LHFPL3: variants seen among roughly 807,000 people sequenced by gnomAD.
LHFPL3 encodes the protein LHFPL tetraspan subfamily member 3, also known as LHFPL tetraspan subfamily member 3 protein.
LHFPL3 carries 5 observed loss-of-function variants against 19.3 expected under a neutral mutation model. That is an observed-to-expected ratio of 0.26 (90% CI 0.14 to 0.54). LHFPL3 has a LOEUF of 0.54. LHFPL3 is among the 20% of genes least tolerant of loss of function. The probability of loss-of-function intolerance (pLI) is 0.94; values close to 1 mark genes in which losing one functional copy is unlikely to be tolerated. For synonymous variants in LHFPL3, 133 were observed against 126.2 expected (o/e 1.05, Z -0.36); for missense variants, 249 against 307.4 (o/e 0.81, Z 1.42).
At chr7:104,766,867 T>C (rs748007896) in intron 2 of LHFPL3, among the ~76,000 whole-genome samples, 1 of 152,204 alleles carries the variant, frequency 6.6e-6, no homozygotes, top group Non-Finnish European at 1.5e-5. Context: ...AAAGTTCAAA[T>C]TTGATGGACA....
chr7:104,654,440 T>C (rs906775527), intron 1 of LHFPL3, among the ~76,000 whole-genome samples: 8 of 152,304 alleles, frequency 5.3e-5, no homozygotes, highest in African/African-American at 1.9e-4. Flanking sequence ...CAGCATGTTA[T>C]AGTGGGGAAG....
intron 1 of LHFPL3, among the ~76,000 whole-genome samples, chr7:104,344,823 T>C (rs1790033217): frequency 6.6e-6 from 1 of 152,186 alleles, no homozygotes; most frequent in Non-Finnish European, 1.5e-5. Flanking sequence ...ATCTACTTTA[T>C]GATTTTTTGA....
At chr7:104,630,453 A>G (rs1349369597) in intron 1 of LHFPL3, among the ~76,000 whole-genome samples, 4 of 152,158 alleles carry the variant, frequency 2.6e-5, no homozygotes, top group African/African-American at 7.2e-5. Context: ...GCTGGAATAA[A>G]AAGTACTGAC....
chr7:104,595,738 C>A (rs143821929), intron 1 of LHFPL3, among the ~76,000 whole-genome samples: 1 of 152,254 alleles, frequency 6.6e-6, no homozygotes, highest in Non-Finnish European at 1.5e-5. Context: ...TTCTTGGCCG[C>A]TTTGTTTACC....
chr7:104,672,230 A>G (rs1792499050), intron 1 of LHFPL3, among the ~76,000 whole-genome samples: 1 of 152,190 alleles, frequency 6.6e-6, no homozygotes, highest in Non-Finnish European at 1.5e-5. Context: ...TTGACTCATC[A>G]GTACCGTGCT....
chr7:104,848,306 A>G (rs1027438060), intron 2 of LHFPL3, among the ~76,000 whole-genome samples: 7 of 152,310 alleles, frequency 4.6e-5, no homozygotes, highest in Non-Finnish European at 7.4e-5. Flanking sequence ...CCTTCTTGGC[A>G]ACTATCACTG....
intron 1 of LHFPL3, among the ~76,000 whole-genome samples, chr7:104,484,742 G>A (rs2115670419): frequency 6.6e-6 from 1 of 152,284 alleles, no homozygotes. Flanking sequence ...TTCATGCTGT[G>A]TCATCCCATG....
At chr7:104,398,561 T>C (rs1339656650) in intron 1 of LHFPL3, among the ~76,000 whole-genome samples, 1 of 152,160 alleles carries the variant, frequency 6.6e-6, no homozygotes, top group African/African-American at 2.4e-5. Flanking sequence ...TATAAAGCAT[T>C]TCCACATGTA....
intron 1 of LHFPL3, among the ~76,000 whole-genome samples, chr7:104,724,515 T>G (rs969360561): frequency 6.6e-6 from 1 of 152,130 alleles, no homozygotes; most frequent in African/African-American, 2.4e-5. Context: ...ACAGAGAAAT[T>G]AGAAAGGGAT....
At chr7:104,746,542 C>A (rs376550704) in intron 2 of LHFPL3, among the ~76,000 whole-genome samples, 4 of 152,116 alleles carry the variant, frequency 2.6e-5, no homozygotes, top group East Asian at 1.9e-4. Context: ...CAGTAAGTAA[C>A]CCATGACATA....
Position 104,832,960 on chromosome 7 carries a change from GTATATA to G in LHFPL3, c.683-73215_683-73210del, listed in dbSNP as rs71748649. Among the ~76,000 whole-genome samples the G allele has an allele frequency of 2.5e-3, 158 of 62,922 alleles. 3 individuals carry two copies. The East Asian group carries it at 0.028, about 11-fold the overall frequency. 41.3% of individuals were successfully genotyped at this position (62,922 alleles called of 152,430 possible). A position where few individuals can be genotyped will look rare whatever the true frequency, so the allele number is the denominator to read the frequency against. On this transcript the variant is annotated intron_variant, in intron 2 of 2. Coordinates refer to ENST00000424859, the MANE Select transcript of LHFPL3 (RefSeq NM_199000.3). Reference sequence around the variant, plus strand: ...TCTAGAGGGACAGAACTAATAGGATGTATATATATATATATATCCTGGGTTATAGGA... The same window carrying G: ...TCTAGAGGGACAGAACTAATAGGATGTATATATATATCCTGGGTTATAGGA...
rs190923759 is a variant in LHFPL3 at position 104,663,489 on chromosome 7, G to A, written c.446-73186G>A. ...CCATGGTTCACTCATCCCTCATTGA[G>A]CATTGATCCAGGTTACTGATTATAA... On this transcript the variant is annotated intron_variant, in intron 1 of 2. Transcript: ENST00000424859. 2.6e-3 allele frequency among the ~76,000 whole-genome samples: 401 copies of A among 152,310 alleles called. 2 individuals are homozygous for A. The highest frequency in any genetic ancestry group is 9.3e-3 in the African/African-American group (385 of 41,554).
intron 2 of LHFPL3, among the ~76,000 whole-genome samples, chr7:104,853,728 C>T (rs1178701000): frequency 6.6e-6 from 1 of 152,112 alleles, no homozygotes; most frequent in Admixed American, 6.5e-5. Flanking sequence ...GGCACTTTTT[C>T]CTGCTTTTTG....
chr7:104,563,118 G>A (rs1200550140), intron 1 of LHFPL3, among the ~76,000 whole-genome samples: 2 of 152,112 alleles, frequency 1.3e-5, no homozygotes, highest in South Asian at 2.1e-4. Context: ...GTCTGCAGAG[G>A]TTACTGCTGT....
At chr7:104,712,399 C>T (rs1793314397) in intron 1 of LHFPL3, among the ~76,000 whole-genome samples, 2 of 152,336 alleles carry the variant, frequency 1.3e-5, no homozygotes, top group South Asian at 2.1e-4. Flanking sequence ...TGGCAGAAAA[C>T]AGATACTAGC....
chr7:104,667,454 C>T (rs934232591), intron 1 of LHFPL3, among the ~76,000 whole-genome samples: 3 of 152,172 alleles, frequency 2.0e-5, no homozygotes, highest in East Asian at 1.9e-4. Context: ...CACATCCCAG[C>T]GGCCGCTTCT....
At chr7:104,757,108 A>C (rs1422450424) in intron 2 of LHFPL3, among the ~76,000 whole-genome samples, 1 of 152,220 alleles carries the variant, frequency 6.6e-6, no homozygotes, top group Non-Finnish European at 1.5e-5. Context: ...GCAATGAAGA[A>C]ATGACTCCCT....
intron 2 of LHFPL3, among the ~76,000 whole-genome samples, chr7:104,816,534 A>G (rs1213959334): frequency 1.3e-5 from 2 of 152,336 alleles, no homozygotes; most frequent in Non-Finnish European, 2.9e-5. Context: ...TTAGTCCTCT[A>G]TGGTAACCAT....
chr7:104,824,350 A>G (rs1383944231), intron 2 of LHFPL3, among the ~76,000 whole-genome samples: 2 of 36,862 alleles, frequency 5.4e-5, no homozygotes, highest in Non-Finnish European at 8.8e-5. Context: ...ATAATTATAG[A>G]TAATATATAA....
Sources: allele counts gnomAD v4.1 joint callset (sites outside exome capture counted in the v4.1 genomes callset), GRCh38; gene constraint gnomAD v4.1.1; transcripts MANE v1.5; gene names NCBI Gene and HGNC (gene_info 2026-07-23, HGNC 2026-07-21).